The following C12orf56 variants were observed in gnomAD, a reference collection of about 807,000 sequenced individuals.
C12orf56 encodes the protein uncharacterized protein C12orf56.
Under a neutral mutation model 69.9 loss-of-function variants are expected in C12orf56, and 71 were observed. The observed-to-expected ratio is 1.02, with a 90% CI of 0.84 to 1.24. The LOEUF is 1.24. C12orf56 is among the 50% of genes most tolerant of loss of function. C12orf56 has a pLI of 0.00. For synonymous variants in C12orf56, 276 were observed against 274.1 expected, an observed-to-expected ratio of 1.01 and a Z score of -0.07; for missense variants, 732 against 738.5, an observed-to-expected ratio of 0.99 and a Z score of 0.10.
At chr12:64,347,860 A>C (rs1232313415) in intron 2 of C12orf56, among the ~76,000 whole-genome samples, 1 of 152,256 alleles carries the variant, frequency 6.6e-6, no homozygotes, top group East Asian at 1.9e-4. Flanking sequence ...ATTTTTGCCT[A>C]GCGTTAAAGG....
At chr12:64,390,204 T>C in intron 1 of C12orf56, 110 bp downstream of exon 1, 49 of 1,359,416 alleles carry the variant, frequency 3.6e-5, no homozygotes, top group Non-Finnish European at 4.8e-5. Flanking sequence ...AGGAGGGGAG[T>C]CGAGGGCAGG....
chr12:64,340,901 C>T (rs1242854336), intron 2 of C12orf56, among the ~76,000 whole-genome samples: 2 of 152,156 alleles, frequency 1.3e-5, no homozygotes, highest in African/African-American at 4.8e-5. Flanking sequence ...ATTTGTAGTC[C>T]TGCCTGAATT....
At chr12:64,307,476 TCTC>T (rs1172505396) in intron 5 of C12orf56, among the ~76,000 whole-genome samples, 1 of 148,950 alleles carries the variant, frequency 6.7e-6, no homozygotes, top group Non-Finnish European at 1.5e-5. Flanking sequence ...TTCAAGCAAT[TCTC>T]CTACCTCAGC....
intron 3 of C12orf56, among the ~76,000 whole-genome samples, chr12:64,328,741 T>C (rs2038887490): frequency 8.0e-6 from 1 of 124,610 alleles, no homozygotes; most frequent in Admixed American, 8.9e-5. Context: ...ATATATAGTA[T>C]CACACTTTAA....
At chr12:64,348,729 C>A (rs900813874) in intron 2 of C12orf56, among the ~76,000 whole-genome samples, 1 of 152,120 alleles carries the variant, frequency 6.6e-6, no homozygotes, top group Non-Finnish European at 1.5e-5. Context: ...TTCTAAAATT[C>A]TAATGTCTGA....
chr12:64,319,124 G>A (rs756112782), intron 3 of C12orf56, 144 bp from the exon 4 acceptor site: 49 of 721,516 alleles, frequency 6.8e-5, no homozygotes, highest in Non-Finnish European at 7.6e-5. Context: ...AACCTCGCTG[G>A]TAATAACCCA....
chr12:64,322,739 A>G (rs1402322915), intron 3 of C12orf56, among the ~76,000 whole-genome samples: 1 of 152,196 alleles, frequency 6.6e-6, no homozygotes. Context: ...ATCTCTGTAC[A>G]TGATAACATC....
intron 6 of C12orf56, among the ~76,000 whole-genome samples, chr12:64,293,052 T>C (rs968547276): frequency 2.6e-5 from 4 of 152,128 alleles, no homozygotes; most frequent in Non-Finnish European, 4.4e-5. Flanking sequence ...TATAATCTCA[T>C]GGTTCGCCGC....
chr12:64,311,176 C>G (rs866721256), intron 5 of C12orf56, among the ~76,000 whole-genome samples: 2 of 152,138 alleles, frequency 1.3e-5, no homozygotes, highest in Middle Eastern at 3.4e-3. Context: ...GTGGCTCATG[C>G]CTGTAATCCC....
At chr12:64,317,483 A>G (rs992888998) in intron 4 of C12orf56, among the ~76,000 whole-genome samples, 9 of 152,172 alleles carry the variant, frequency 5.9e-5, no homozygotes, top group Non-Finnish European at 1.3e-4. Flanking sequence ...TGTTTCGGCC[A>G]GGCGTGGTGG....
intron 1 of C12orf56, among the ~76,000 whole-genome samples, chr12:64,385,492 C>G (rs1226946789): frequency 2.0e-5 from 3 of 152,124 alleles, no homozygotes; most frequent in African/African-American, 7.2e-5. Context: ...ACAAGGAGAG[C>G]TGGGGCTCAG....
intron 5 of C12orf56, among the ~76,000 whole-genome samples, chr12:64,310,503 G>C (rs988001208): frequency 6.6e-6 from 1 of 152,164 alleles, no homozygotes; most frequent in South Asian, 2.1e-4. Context: ...ACGGTTCATG[G>C]AGGAAAGGAA....
chr12:64,319,966 C>A (rs886166590), intron 3 of C12orf56, among the ~76,000 whole-genome samples: 2 of 152,194 alleles, frequency 1.3e-5, no homozygotes, highest in Middle Eastern at 3.4e-3. Flanking sequence ...CCCCGTCCAC[C>A]ACTCCTGTTT....
Position 64,390,576 on chromosome 12 carries a change from C to T in C12orf56, c.-11G>A, listed in dbSNP as rs953928347. The T allele has an allele frequency of 1.9e-6, 3 of 1,549,524 alleles. No individual in the cohort carries two copies. Among genetic ancestry groups the T allele is most frequent in the African/African-American group, 2.7e-5 (2 of 72,840 alleles). On this transcript the variant is annotated 5_prime_UTR_variant, in exon 1 of 13. Transcript: ENST00000543942. ...CAAGGGGCTGGCCATGCCCGGCGCC[C>T]GCAGCGTGGCGGAGTGCTGGGACTC...
chr12:64,342,552 C>T (rs1416290997), intron 2 of C12orf56, among the ~76,000 whole-genome samples: 2 of 152,184 alleles, frequency 1.3e-5, no homozygotes, highest in African/African-American at 4.8e-5. Context: ...GAGCCACTTC[C>T]TCATGTAACT....
chr12:64,332,871 T>G (rs1472460209), intron 2 of C12orf56, among the ~76,000 whole-genome samples: 1 of 152,190 alleles, frequency 6.6e-6, no homozygotes. Context: ...GGTCTTTCAC[T>G]ATTTGGCCCT....
intron 6 of C12orf56, among the ~76,000 whole-genome samples, chr12:64,296,816 C>T (rs559184409): frequency 8.6e-5 from 13 of 151,352 alleles, no homozygotes; most frequent in Admixed American, 6.6e-4. Flanking sequence ...GGATTAATGT[C>T]ATTATTGTGG....
At chr12:64,370,680 CAA>C (rs2039558940) in intron 1 of C12orf56, among the ~76,000 whole-genome samples, 1 of 151,876 alleles carries the variant, frequency 6.6e-6, no homozygotes. Flanking sequence ...CTAATTGCAC[CAA>C]GTTTAAAATT....
At position 64,301,523 on chromosome 12, in the gene C12orf56, C is replaced by T. The variant is rs190320028; in HGVS notation, c.1113+2112G>A. ...TTAGATTGAGTAAATTTACTGAGGC[C>T]CCAGAAGAAGGTTTTCAGGACCTTC... On this transcript the variant is annotated intron_variant, in intron 6 of 12. Transcript: ENST00000543942. Among the ~76,000 whole-genome samples the T allele has an allele frequency of 3.0e-3, 454 of 152,106 alleles. 2 individuals carry two copies. The highest frequency in any genetic ancestry group is 4.6e-3 in the Non-Finnish European group (315 of 67,998).
Sources: gnomAD v4.1 joint callset for allele counts (sites outside exome capture counted in the v4.1 genomes callset) on GRCh38, gnomAD v4.1.1 for gene constraint, MANE v1.5 for transcripts, NCBI Gene and HGNC (gene_info 2026-07-23, HGNC 2026-07-21) for gene names.